Variants in RANGAP1 observed in about 807,000 individuals in gnomAD.
RANGAP1 encodes Ran GTPase activating protein 1.
Under a neutral mutation model 63.5 loss-of-function variants are expected in RANGAP1, and 38 were observed. The ratio of observed to expected loss-of-function variants is 0.60; its 90% CI spans 0.46 to 0.78. The LOEUF (loss-of-function observed/expected upper bound fraction) is 0.78. Ranked by LOEUF, RANGAP1 falls within the 30% of genes least tolerant of loss-of-function variation. The probability of loss-of-function intolerance (pLI) is 0.00; values close to 1 mark genes in which losing one functional copy is unlikely to be tolerated. For missense variants in RANGAP1, 630 were observed against 740.3 expected, an observed-to-expected ratio of 0.85 and a Z score of 1.73; for synonymous variants, 329 against 310.5, an observed-to-expected ratio of 1.06 and a Z score of -0.63.
chr22:41,296,202 A>G, the RANGAP1 span, among the ~76,000 whole-genome samples: 2 of 152,082 alleles, frequency 1.3e-5, no homozygotes, highest in Non-Finnish European at 2.9e-5. Context: ...TAAAAAAATA[A>G]TAACCTAAGC....
At chr22:41,266,585 A>G (rs1324749231) in intron 4 of RANGAP1, among the ~76,000 whole-genome samples, 1 of 152,146 alleles carries the variant, frequency 6.6e-6, no homozygotes, top group Non-Finnish European at 1.5e-5. Context: ...CAAGGTTGCA[A>G]TGCAATGGCA....
At chr22:41,295,140 CGCCCCTACT>C in the RANGAP1 span, among the ~76,000 whole-genome samples, 1 of 136,722 alleles carries the variant, frequency 7.3e-6, no homozygotes, top group African/African-American at 3.2e-5. Context: ...TCTGCCCGGC[CGCCCCTACT>C]GGGAAGTGAG....
intron 2 of RANGAP1, among the ~76,000 whole-genome samples, chr22:41,275,590 C>T (rs1462100531): frequency 6.6e-6 from 1 of 151,244 alleles, no homozygotes; most frequent in Non-Finnish European, 1.5e-5. Context: ...ACCAGCCTGA[C>T]CAATATAGTG....
At position 41,281,548 on chromosome 22, in the gene RANGAP1, G is replaced by A. The variant is rs768795245; in HGVS notation, c.-38-466C>T. 1.0e-5 allele frequency: 10 copies of A among 988,876 alleles called. No individual in the cohort carries two copies. In the Admixed American group the frequency reaches 2.3e-4, roughly 23 times the overall value. The allele number at this position is 988,876 out of a possible 1,614,324, so 61.3% of individuals were successfully genotyped here. On this transcript the variant is annotated intron_variant, in intron 1 of 15. Transcript: ENST00000356244. ...TGGGATCCAGATCATTCATCCCAGA[G>A]AATGCCCCACCACCCACGCTGGCAT...
chr22:41,276,705 C>T (rs1441818509), intron 2 of RANGAP1, among the ~76,000 whole-genome samples: 5 of 149,182 alleles, frequency 3.4e-5, no homozygotes, highest in Admixed American at 1.3e-4. Flanking sequence ...AGGCTGGGCG[C>T]GGTGGCTCAC....
At chr22:41,280,850 G>A in intron 2 of RANGAP1, 83 bp downstream of exon 2, 2 of 1,589,016 alleles carry the variant, frequency 1.3e-6, no homozygotes, top group African/African-American at 1.3e-5. Context: ...CAATGTAGCA[G>A]AAAGAGCCTG....
chr22:41,278,923 G>C (rs1006138536), intron 2 of RANGAP1, among the ~76,000 whole-genome samples: 1 of 152,000 alleles, frequency 6.6e-6, no homozygotes, highest in Non-Finnish European at 1.5e-5. Flanking sequence ...AGGATCATGA[G>C]GTCAGGAGAT....
intron 1 of RANGAP1, among the ~76,000 whole-genome samples, chr22:41,284,336 G>A (rs1160331055): frequency 2.6e-5 from 4 of 152,198 alleles, no homozygotes; most frequent in Non-Finnish European, 4.4e-5. Flanking sequence ...GGGAGGCTGA[G>A]GTGGGTGGAT....
chr22:41,249,386 C>T lies in RANGAP1; in HGVS notation c.1638G>A (p.Val546=), dbSNP rs771101584. ...GGGCCTTGGGGAAATAGTCCTGCTG[C>T]ACCATGTGGTTCAGCGCCATCAGGG... ...YGPLMALNHM[V]QQDYFPKALA... is the part of the protein sequence containing the mutation. The change falls in exon 15 of 16, where the codon GTG becomes GTA. Residue 546 remains valine (V), a synonymous_variant. Coordinates refer to ENST00000356244, the MANE Select transcript of RANGAP1 (RefSeq NM_002883.4). 12 of 1,613,888 alleles carry T rather than the reference C, an allele frequency of 7.4e-6. No individual in the cohort carries two copies. The highest frequency in any genetic ancestry group is 1.0e-5 in the Non-Finnish European group (12 of 1,179,882).
At chr22:41,278,776 G>A (rs150939445) in intron 2 of RANGAP1, among the ~76,000 whole-genome samples, 3 of 152,208 alleles carry the variant, frequency 2.0e-5, no homozygotes, top group African/African-American at 4.8e-5. Flanking sequence ...CAAAGTGGGC[G>A]GATCACCTGA....
intron 1 of RANGAP1, chr22:41,282,017 G>A (rs1462630551): frequency 6.6e-6 from 1 of 152,220 alleles, no homozygotes; most frequent in Non-Finnish European, 1.5e-5. Context: ...CCAGCCACTG[G>A]GGAGGCTGAG....
upstream of RANGAP1, among the ~76,000 whole-genome samples, chr22:41,288,947 G>A (rs1023403264): frequency 8.1e-6 from 1 of 123,978 alleles, no homozygotes; most frequent in Admixed American, 8.5e-5. Flanking sequence ...TTTTGAGATG[G>A]AGTTTCACTC....
intron 8 of RANGAP1, 135 bp downstream of exon 8, chr22:41,256,576 G>C: frequency 2.7e-6 from 2 of 747,028 alleles, no homozygotes; most frequent in Non-Finnish European, 4.4e-6. Context: ...GGCTCACACA[G>C]CATCACAGGG....
rs781132330 is a variant in RANGAP1 at position 41,257,966 on chromosome 22, G to A, written c.756C>T (p.Gly252=). The A allele has an allele frequency of 2.2e-5, 36 of 1,609,572 alleles. No homozygotes were observed. The highest frequency in any genetic ancestry group is 3.3e-5 in the Admixed American group (2 of 59,714). The change falls in exon 7 of 16, where the codon GGC becomes GGT. Residue 252 remains glycine, a synonymous_variant. Coordinates refer to ENST00000356244, the MANE Select transcript of RANGAP1 (RefSeq NM_002883.4). This position sits in a 1 kb window ranked among gnomAD's most constrained non-coding sequence, Gnocchi z 4.0. ...NLNDNTFTEK[G]AVAMAETLKT... The stretch of plus-strand genomic sequence containing the variant: ...GCCTCACCTCGGCCATGGCCACGGC[G>A]CCCTTCTCAGTGAAGGTGTTGTCAT...
chr22:41,298,918 T>TC, the RANGAP1 span, among the ~76,000 whole-genome samples: 2 of 152,104 alleles, frequency 1.3e-5, no homozygotes, highest in Non-Finnish European at 2.9e-5. Context: ...ACGACCAGGG[T>TC]CCCAGCATGG....
At chr22:41,277,198 C>G (rs2035203915) in intron 2 of RANGAP1, among the ~76,000 whole-genome samples, 1 of 149,254 alleles carries the variant, frequency 6.7e-6, no homozygotes, top group Non-Finnish European at 1.5e-5. Context: ...CTGCCTCAGC[C>G]TCCCAAGTAG....
chr22:41,296,609 T>C, the RANGAP1 span, among the ~76,000 whole-genome samples: 1 of 147,210 alleles, frequency 6.8e-6, no homozygotes, highest in Admixed American at 6.9e-5. Context: ...ATTGTGCCAC[T>C]ACACTCTAGC....
At chr22:41,264,933 A>G (rs2034381016) in intron 4 of RANGAP1, 90 bp from the exon 5 acceptor site, 2 of 1,343,862 alleles carry the variant, frequency 1.5e-6, no homozygotes, top group Non-Finnish European at 2.1e-6. Context: ...TCTGCCTTCC[A>G]AGGACACCCC....
chr22:41,290,437 C>T (rs2035826285), upstream of RANGAP1, among the ~76,000 whole-genome samples: 1 of 152,070 alleles, frequency 6.6e-6, no homozygotes, highest in Non-Finnish European at 1.5e-5. Flanking sequence ...ACTGTGTTGT[C>T]CAGGCTAGTC....
Sources: gnomAD v4.1 joint callset for allele counts (sites outside exome capture counted in the v4.1 genomes callset) on GRCh38, gnomAD v4.1.1 for gene constraint, Gnocchi (gnomAD v3.1) non-coding constraint, MANE v1.5 for transcripts, NCBI Gene and HGNC (gene_info 2026-07-23, HGNC 2026-07-21) for gene names.